F8: variants seen among roughly 807,000 people sequenced by gnomAD.
F8 encodes coagulation factor VIII.
Under a neutral mutation model 140.6 loss-of-function variants are expected in F8, and 12 were observed. The ratio of observed to expected loss-of-function variants is 0.09; its 90% CI spans 0.05 to 0.14. The LOEUF is 0.14. Ranked by LOEUF, F8 falls within the 10% of genes least tolerant of loss-of-function variation. The pLI, the probability that F8 is intolerant of heterozygous loss-of-function variation, is 1.00. For missense variants in F8, 1,354 were observed against 1,720.7 expected (o/e 0.79, Z 3.77); for synonymous variants, 585 against 614.6 (o/e 0.95, Z 0.71).
chrX:154,985,564 A>G (rs963162305), intron 5 of F8, among the ~76,000 whole-genome samples: 14 of 112,495 alleles, frequency 1.2e-4, no homozygotes, highest in Admixed American at 2.8e-4. Flanking sequence ...GCTCCCTAAC[A>G]CTGTCTCTGA....
At chrX:155,000,269 G>A (rs1256789504) in intron 1 of F8, among the ~76,000 whole-genome samples, 6 of 111,956 alleles carry the variant, frequency 5.4e-5, no homozygotes, top group African/African-American at 1.9e-4. Flanking sequence ...GCCTCCTCAC[G>A]CCAAATAATC....
At chrX:154,878,348 T>C (rs1320164351) in intron 22 of F8, among the ~76,000 whole-genome samples, 1 of 85,067 alleles carries the variant, frequency 1.2e-5, no homozygotes, top group South Asian at 5.1e-4. Context: ...ATTAATAAAA[T>C]ATAGGGAAAA....
chrX:154,923,007 A>G (rs185726048), intron 14 of F8, among the ~76,000 whole-genome samples: 1 of 111,693 alleles, frequency 9.0e-6, no homozygotes, highest in African/African-American at 3.3e-5. Context: ...AAGGCTTTGT[A>G]TCAACTCTCA....
At chrX:154,939,088 G>A (rs1315975935) in intron 13 of F8, among the ~76,000 whole-genome samples, 3 of 111,376 alleles carry the variant, frequency 2.7e-5, no homozygotes, top group African/African-American at 9.8e-5. Context: ...CCCAGCATAA[G>A]TGATGCAGAA....
chrX:154,860,752 T>C, intron 24 of F8, 144 bp from the exon 25 acceptor site: 1 of 566,636 alleles, frequency 1.8e-6, no homozygotes, highest in African/African-American at 2.2e-5. Context: ...CAGGCTGTAG[T>C]GCAATGGCAT....
At chrX:155,010,369 C>T (rs2073700861) in intron 1 of F8, among the ~76,000 whole-genome samples, 2 of 111,689 alleles carry the variant, frequency 1.8e-5, no homozygotes, top group Admixed American at 1.9e-4. Flanking sequence ...ATTATATTCC[C>T]TGACCTGTGG....
intron 6 of F8, among the ~76,000 whole-genome samples, chrX:154,982,445 CA>C (rs782689011): frequency 0.21 from 12,219 of 58,412 alleles, 954 homozygotes; most frequent in African/African-American, 0.32. Flanking sequence ...GACTCCGTCT[CA>C]AAAAAAAAAA....
intron 1 of F8, among the ~76,000 whole-genome samples, chrX:155,014,334 G>A: frequency 9.0e-6 from 1 of 111,380 alleles, no homozygotes; most frequent in South Asian, 3.8e-4. Context: ...GTACTTAATG[G>A]TAAAATAATG....
At chrX:154,871,979 A>C (rs1209514474) in intron 22 of F8, among the ~76,000 whole-genome samples, 3 of 112,586 alleles carry the variant, frequency 2.7e-5, no homozygotes, top group African/African-American at 9.7e-5. Context: ...AAAGAAATGC[A>C]AATCAAAACC....
intron 2 of F8, among the ~76,000 whole-genome samples, chrX:154,999,060 C>G (rs2073632825): frequency 9.0e-6 from 1 of 110,792 alleles, no homozygotes; most frequent in Non-Finnish European, 1.9e-5. Flanking sequence ...AAGTTCCTAG[C>G]CTTTTTTTAT....
intron 12 of F8, among the ~76,000 whole-genome samples, chrX:154,951,074 A>G (rs1189043904): frequency 8.9e-6 from 1 of 112,132 alleles, no homozygotes; most frequent in East Asian, 2.8e-4. Context: ...TACCCATATC[A>G]GAAATTTGGT....
chrX:154,899,734 T>C (rs782348771), intron 21 of F8, 132 bp downstream of exon 21: 45 of 597,856 alleles, frequency 7.5e-5, no homozygotes, highest in Non-Finnish European at 1.1e-4. Context: ...ATGACTGCTT[T>C]TGTACAAATC....
intron 5 of F8, among the ~76,000 whole-genome samples, chrX:154,985,028 G>A (rs1339318002): frequency 8.9e-6 from 1 of 112,290 alleles, no homozygotes; most frequent in Non-Finnish European, 1.9e-5. Flanking sequence ...CCCTCCATTT[G>A]TCCATGACAA....
intron 1 of F8, among the ~76,000 whole-genome samples, chrX:155,017,614 T>C (rs1222117386): frequency 1.8e-5 from 2 of 112,311 alleles, no homozygotes; most frequent in Non-Finnish European, 3.8e-5. Context: ...CATCAAAACA[T>C]TATCTTGTAC....
At chrX:154,924,981 C>T (rs980013922) in intron 14 of F8, among the ~76,000 whole-genome samples, 3 of 112,119 alleles carry the variant, frequency 2.7e-5, no homozygotes, top group Admixed American at 1.9e-4. Flanking sequence ...GGCCTCTGGG[C>T]CGGTGATGGG....
intron 22 of F8, among the ~76,000 whole-genome samples, chrX:154,880,249 C>T (rs1421759149): frequency 9.0e-6 from 1 of 111,603 alleles, no homozygotes; most frequent in Non-Finnish European, 1.9e-5. Context: ...AAATATGCCA[C>T]TTTGGCATAT....
At chrX:154,898,546 T>A (rs2072994525) in intron 21 of F8, among the ~76,000 whole-genome samples, 1 of 112,236 alleles carries the variant, frequency 8.9e-6, no homozygotes. Flanking sequence ...GAATTTTGGC[T>A]CAGTCACTTA....
intron 14 of F8, among the ~76,000 whole-genome samples, chrX:154,907,511 G>T (rs1035645364): frequency 1.8e-5 from 2 of 112,183 alleles, no homozygotes; most frequent in African/African-American, 6.5e-5. Context: ...TTGCCACACT[G>T]TTTTCCAAAG....
At chrX:154,848,455 G>A (rs1472487958) in intron 25 of F8, among the ~76,000 whole-genome samples, 5 of 112,747 alleles carry the variant, frequency 4.4e-5, no homozygotes, top group African/African-American at 9.6e-5. Flanking sequence ...CTTCCTGGCC[G>A]CTTTGTTTAC....
Sources: gnomAD v4.1 joint callset for allele counts (sites outside exome capture counted in the v4.1 genomes callset) on GRCh38, gnomAD v4.1.1 for gene constraint, MANE v1.5 for transcripts, NCBI Gene and HGNC (gene_info 2026-07-23, HGNC 2026-07-21) for gene names.